Variants in STYXL1 observed in about 807,000 individuals in gnomAD.
The protein encoded by STYXL1 is serine/threonine/tyrosine-interacting-like protein 1.
A neutral mutation model predicts 36.4 loss-of-function variants in STYXL1; 32 were observed. That is an observed-to-expected ratio of 0.88 (90% confidence interval 0.66 to 1.18). The LOEUF (loss-of-function observed/expected upper bound fraction) is 1.18, where lower values mean the gene tolerates loss of function less well. Among genes scored for constraint, STYXL1 ranks in the 50% most tolerant of loss-of-function variants. The pLI, the probability that STYXL1 is intolerant of heterozygous loss-of-function variation, is 0.00. For synonymous variants in STYXL1, 133 were observed against 144.1 expected, an observed-to-expected ratio of 0.92 and a Z score of 0.55; for missense variants, 354 against 394.1, an observed-to-expected ratio of 0.90 and a Z score of 0.86.
rs1260645272 is a variant in STYXL1, at chr7:76,046,350, G to A, written c.-5+1312C>T. On this transcript the variant is annotated intron_variant, in intron 1 of 8. Coordinates refer to ENST00000359697, the MANE Select transcript of STYXL1 (RefSeq NM_001317785.2). ...TGTGTGTGTGTGTGTGCGCGCGCGC[G>A]CGCGCGCGCTTTTGAGCCGGAGTTT... is the stretch of plus-strand genomic sequence containing the variant. 9.1e-5 allele frequency among the ~76,000 whole-genome samples: 7 copies of A among 77,040 alleles called. No individual in the cohort carries two copies. The East Asian group carries it at 1.9e-3, about 21-fold the overall frequency. The allele number at this position is 77,040 out of a possible 152,430, so 50.5% of individuals were successfully genotyped here. A position where few individuals can be genotyped will look rare whatever the true frequency, so the allele number is the denominator to read the frequency against.
At chr7:76,013,915 G>A in intron 4 of STYXL1, 28 bp from the exon 5 acceptor site, 1 of 1,588,810 alleles carries the variant, frequency 6.3e-7, no homozygotes, top group Non-Finnish European at 8.6e-7. Flanking sequence ...AGACATGAAT[G>A]TCTCCTGTGT....
chr7:76,021,315 T>C (rs1554576103), intron 4 of STYXL1, among the ~76,000 whole-genome samples: 1 of 151,978 alleles, frequency 6.6e-6, no homozygotes, highest in African/African-American at 2.4e-5. Flanking sequence ...TCTCCTGACC[T>C]TGTGATCCGC....
chr7:76,005,325 T>C lies in STYXL1; in HGVS notation c.533A>G (p.Asp178Gly). The change falls in exon 6 of 9, where the codon GAC becomes GGC. Residue 178 changes from aspartate to glycine, a missense_variant. Coordinates refer to ENST00000359697, the MANE Select transcript of STYXL1 (RefSeq NM_001317785.2). ...VFVGNFSQAC[D>G]PKIQKDLKIK... ...TTTCAAGTCCTTCTGAATCTTGGGGTCACAGGCTTGACTGAAATTGCCAAC... is the reference window on the plus strand; with the variant it reads ...TTTCAAGTCCTTCTGAATCTTGGGGCCACAGGCTTGACTGAAATTGCCAAC... 2.5e-6 allele frequency: 4 copies of C among 1,612,980 alleles called. No individual in the cohort carries two copies. The highest frequency in any genetic ancestry group is 3.4e-6 in the Non-Finnish European group (4 of 1,179,270).
rs781959500 is a variant in STYXL1, at chr7:76,013,825, C to T, written c.370G>A (p.Val124Ile). The change falls in exon 5 of 9, where the codon GTC (valine) becomes ATC (isoleucine). Residue 124 changes from valine to isoleucine, a missense_variant. Transcript: ENST00000359697. ...RILTRLTHHP[V>I]YILKGGYERF... ...TCATAGCCCCCTTTCAGGATGTAGA[C>T]GGGGTGGTGGGTGAGGCGGGTCAGG... 8 of 1,613,782 alleles carry T rather than the reference C, an allele frequency of 5.0e-6. No individual in the cohort carries two copies. The African/African-American group carries it at 5.3e-5, about 11-fold the overall frequency.
intron 3 of STYXL1, among the ~76,000 whole-genome samples, chr7:76,024,591 T>G (rs1202090501): frequency 6.6e-6 from 1 of 151,792 alleles, no homozygotes; most frequent in Non-Finnish European, 1.5e-5. Context: ...CACTCCAGCC[T>G]AAGCGAGAGA....
At chr7:76,014,610 C>T (rs1341948810) in intron 4 of STYXL1, among the ~76,000 whole-genome samples, 1 of 152,004 alleles carries the variant, frequency 6.6e-6, no homozygotes, top group Non-Finnish European at 1.5e-5. Context: ...GCCTCAGCCT[C>T]CCAGAGTGCT....
rs1336555929 is a variant in STYXL1, at chr7:75,999,503, GTGTGTGTA to G, written c.810+1379_810+1386del. Among the ~76,000 whole-genome samples the G allele has an allele frequency of 5.3e-3, 422 of 79,134 alleles. 1 individual carries two copies. Among genetic ancestry groups the G allele is most frequent in the Non-Finnish European group, 7.2e-3 (280 of 38,948 alleles). The allele number at this position is 79,134 out of a possible 152,430, so 51.9% of individuals were successfully genotyped here. A position where few individuals can be genotyped will look rare whatever the true frequency, so the allele number is the denominator to read the frequency against. On this transcript the variant is annotated intron_variant, in intron 8 of 8. Transcript: ENST00000359697. Reference sequence around the variant, plus strand: ...GGTAATTTTTTTGTTGTGTGTGTGTGTGTGTGTATGTGTGTGTGTGTGTGTGTGTGTGT... The same window carrying G: ...GGTAATTTTTTTGTTGTGTGTGTGTGTGTGTGTGTGTGTGTGTGTGTGTGT...
Position 76,047,734 on chromosome 7 carries a change from G to T in STYXL1, c.-77C>A. The T allele has an allele frequency of 3.4e-6, 1 of 296,098 alleles. No individual in the cohort carries two copies. Among genetic ancestry groups the T allele is most frequent in the East Asian group, 1.3e-4 (1 of 7,790 alleles). The allele number at this position is 296,098 out of a possible 1,614,324, so 18.3% of individuals were successfully genotyped here. ...GGGTTTGGCTGAGGTCGGGGGCTCG[G>T]GTCTGGGACGCGCTCCACCTCCCCG... On this transcript the variant is annotated 5_prime_UTR_variant, in exon 1 of 9. Coordinates refer to ENST00000359697, the MANE Select transcript of STYXL1 (RefSeq NM_001317785.2).
At chr7:76,026,085 G>A (rs192178431) in intron 3 of STYXL1, among the ~76,000 whole-genome samples, 5 of 149,322 alleles carry the variant, frequency 3.3e-5, no homozygotes, top group African/African-American at 9.8e-5. Flanking sequence ...CCAGCTACTC[G>A]GGAGGCTGAG....
In STYXL1 at chr7:76,020,204, AC is replaced by A. The variant is rs531166383; in HGVS notation, c.307+1646del. ...TCCTAGGATTGCAGACCAGAGCCCAACAGGATGAGCTTAGGGAAGAAGGGAC... is the reference window on the plus strand; with the variant it reads ...TCCTAGGATTGCAGACCAGAGCCCAAAGGATGAGCTTAGGGAAGAAGGGAC... On this transcript the variant is annotated intron_variant, in intron 4 of 8. Coordinates refer to ENST00000359697, the MANE Select transcript of STYXL1 (RefSeq NM_001317785.2). 4.4e-4 allele frequency among the ~76,000 whole-genome samples: 67 copies of A among 152,330 alleles called. No individual in the cohort carries two copies. The East Asian group carries it at 9.8e-3, about 22-fold the overall frequency.
chr7:76,046,572 CCT>C (rs1431141312), intron 1 of STYXL1, among the ~76,000 whole-genome samples: 1 of 151,494 alleles, frequency 6.6e-6, no homozygotes, highest in Admixed American at 6.6e-5. Context: ...GTCTCAAACT[CCT>C]GACCTCAGGT....
chr7:76,046,264 A>G, intron 1 of STYXL1, among the ~76,000 whole-genome samples: 1 of 143,434 alleles, frequency 7.0e-6, no homozygotes, highest in Non-Finnish European at 1.5e-5. Context: ...AGCATGTCTC[A>G]GCTTATCTGC....
At chr7:76,034,550 T>TGGAA (rs1795730441) in intron 1 of STYXL1, among the ~76,000 whole-genome samples, 1 of 152,214 alleles carries the variant, frequency 6.6e-6, no homozygotes, top group African/African-American at 2.4e-5. Context: ...CAGCTCTGCA[T>TGGAA]GGAAGAATGC....
intron 8 of STYXL1, chr7:75,998,599 G>A (rs1442746707): frequency 1.2e-4 from 19 of 152,072 alleles, no homozygotes; most frequent in Admixed American, 1.1e-3. Flanking sequence ...CACCGGGCCT[G>A]TCAAGGAATT....
At chr7:76,019,282 CTTTTTT>C (rs112308010) in intron 4 of STYXL1, among the ~76,000 whole-genome samples, 4 of 136,564 alleles carry the variant, frequency 2.9e-5, no homozygotes, top group Admixed American at 7.4e-5. Context: ...CTGTTTTTTT[CTTTTTT>C]TTTTTTTTTT....
In STYXL1 at chr7:76,021,961, A is replaced by T; in HGVS notation, c.197T>A (p.Val66Glu). 6.2e-7 allele frequency: 1 copy of T among 1,612,504 alleles called. No individual in the cohort carries two copies. Among genetic ancestry groups the T allele is most frequent in the Middle Eastern group, 1.7e-4 (1 of 6,058 alleles). Residue 66 changes from valine (V) to glutamate (E), a missense_variant, in exon 4 of 9, where the codon GTG becomes GAG. Physicochemically the swap from Val to Glu is moderately radical, Grantham distance 121. Transcript: ENST00000359697. The part of the protein sequence containing the change: ...KNNEYLLPES[V>E]DLECVKYCVV... ...GCAGTACTTCACACACTCCAGGTCC[A>T]CAGACTCCGGGAGAAGATATTCATT...
chr7:76,039,149 G>C (rs2116462116), intron 1 of STYXL1, among the ~76,000 whole-genome samples: 1 of 149,134 alleles, frequency 6.7e-6, no homozygotes, highest in East Asian at 1.9e-4. Flanking sequence ...TGTTGGCCAG[G>C]CTGGTCTCGA....
At chr7:76,006,026 G>A (rs147719326) in intron 5 of STYXL1, among the ~76,000 whole-genome samples, 12 of 152,140 alleles carry the variant, frequency 7.9e-5, no homozygotes, top group African/African-American at 2.6e-4. Flanking sequence ...CAAAGTGCTA[G>A]GATTACAGGC....
chr7:76,007,263 G>GA (rs1791895522), intron 5 of STYXL1, among the ~76,000 whole-genome samples: 1 of 151,702 alleles, frequency 6.6e-6, no homozygotes, highest in Non-Finnish European at 1.5e-5. Flanking sequence ...CCATCTCCAC[G>GA]AAAAACACAA....
Sources: allele counts gnomAD v4.1 joint callset (sites outside exome capture counted in the v4.1 genomes callset), GRCh38; gene constraint gnomAD v4.1.1; transcripts MANE v1.5; gene names NCBI Gene and HGNC (gene_info 2026-07-23, HGNC 2026-07-21).